Variants in KANSL1 observed in about 807,000 individuals in gnomAD.
KANSL1 encodes MLL1/MLL complex subunit KANSL1.
KANSL1 carries 22 observed loss-of-function variants against 103.6 expected under a neutral mutation model. The observed-to-expected ratio is 0.21, with a 90% CI of 0.15 to 0.30. The LOEUF (loss-of-function observed/expected upper bound fraction) is 0.30. Ranked by LOEUF, KANSL1 falls within the 10% of genes least tolerant of loss-of-function variation. The pLI is 1.00. For missense variants in KANSL1, 1,337 were observed against 1,399.8 expected (o/e 0.96, Z 0.72); for synonymous variants, 600 against 527.6 (o/e 1.14, Z -1.88).
chr17:46,190,140 C>T (rs1295948460), intron 1 of KANSL1, among the ~76,000 whole-genome samples: 4 of 152,184 alleles, frequency 2.6e-5, no homozygotes, highest in Non-Finnish European at 5.9e-5. Context: ...CTACAGAAGA[C>T]GCAGAGACAC....
At chr17:46,038,789 G>T in intron 9 of KANSL1, 103 bp from the exon 10 acceptor site, 1 of 1,435,176 alleles carries the variant, frequency 7.0e-7, no homozygotes, top group South Asian at 1.2e-5. Context: ...AGGCAAAAAT[G>T]TTTTCTATGC....
At chr17:46,077,322 G>A (rs1370067257) in intron 4 of KANSL1, among the ~76,000 whole-genome samples, 1 of 152,062 alleles carries the variant, frequency 6.6e-6, no homozygotes, top group Admixed American at 6.5e-5. Context: ...CAGAGTGCTG[G>A]GATTACAGGC....
chr17:46,062,046 T>C (rs1050793153), intron 6 of KANSL1, among the ~76,000 whole-genome samples: 44 of 143,664 alleles, frequency 3.1e-4, no homozygotes, highest in Non-Finnish European at 6.1e-4. Flanking sequence ...GAGCTGAGAT[T>C]GTGCCATTGC....
At chr17:46,187,476 T>C (rs2047087033) in intron 1 of KANSL1, among the ~76,000 whole-genome samples, 2 of 152,294 alleles carry the variant, frequency 1.3e-5, no homozygotes, top group Middle Eastern at 3.4e-3. Context: ...AACATTTAGA[T>C]AAAACTGCAC....
At chr17:46,109,414 G>C (rs9897371) in intron 2 of KANSL1, among the ~76,000 whole-genome samples, 1 of 152,092 alleles carries the variant, frequency 6.6e-6, no homozygotes, top group Non-Finnish European at 1.5e-5. Flanking sequence ...TATATGATAC[G>C]TGTAAGATAG....
intron 7 of KANSL1, chr17:46,049,785 A>C (rs1034615278): frequency 6.6e-6 from 1 of 151,952 alleles, no homozygotes; most frequent in African/African-American, 2.4e-5. Context: ...AAGACAGTAC[A>C]AGCTAACAAC....
At chr17:46,108,727 A>G (rs186779114) in intron 2 of KANSL1, among the ~76,000 whole-genome samples, 1 of 152,316 alleles carries the variant, frequency 6.6e-6, no homozygotes, top group East Asian at 1.9e-4. Flanking sequence ...TTTCCTTACA[A>G]AAGATTAAAA....
At chr17:46,124,029 G>T (rs1053012049) in intron 2 of KANSL1, among the ~76,000 whole-genome samples, 1 of 152,214 alleles carries the variant, frequency 6.6e-6, no homozygotes, top group Admixed American at 6.5e-5. Context: ...CTCTTGTTAG[G>T]AGCTAATGCA....
chr17:46,101,378 C>T (rs1049691257), intron 2 of KANSL1, among the ~76,000 whole-genome samples: 2 of 152,216 alleles, frequency 1.3e-5, no homozygotes, highest in African/African-American at 4.8e-5. Flanking sequence ...ATAAGAACAA[C>T]ATCTGCTTCA....
At chr17:46,157,198 C>A (rs1159486767) in intron 2 of KANSL1, among the ~76,000 whole-genome samples, 1 of 152,254 alleles carries the variant, frequency 6.6e-6, no homozygotes, top group Non-Finnish European at 1.5e-5. Flanking sequence ...AGTTTCCATT[C>A]AGATTACCAA....
intron 4 of KANSL1, among the ~76,000 whole-genome samples, chr17:46,077,266 T>G (rs2078811958): frequency 6.6e-6 from 1 of 152,220 alleles, no homozygotes; most frequent in Non-Finnish European, 1.5e-5. Context: ...TTGCTGGAGC[T>G]GGTCTTGAAC....
intron 1 of KANSL1, among the ~76,000 whole-genome samples, chr17:46,180,215 G>T (rs1168523631): frequency 6.6e-6 from 1 of 152,098 alleles, no homozygotes; most frequent in Non-Finnish European, 1.5e-5. Flanking sequence ...CAGTAGAGGG[G>T]CCAGGCACAG....
intron 2 of KANSL1, among the ~76,000 whole-genome samples, chr17:46,119,708 T>C (rs2043199749): frequency 1.3e-5 from 2 of 152,250 alleles, no homozygotes; most frequent in Non-Finnish European, 2.9e-5. Flanking sequence ...TTGCCTACTG[T>C]CAATGTTTTC....
intron 3 of KANSL1, among the ~76,000 whole-genome samples, chr17:46,089,620 G>A (rs983811873): frequency 8.2e-6 from 1 of 122,094 alleles, no homozygotes; most frequent in African/African-American, 2.9e-5. Context: ...TCTTGGTGCA[G>A]CATGGAAAAT....
upstream of KANSL1, among the ~76,000 whole-genome samples, chr17:46,224,272 G>C (rs1188516874): frequency 6.6e-6 from 1 of 152,194 alleles, no homozygotes; most frequent in Admixed American, 6.5e-5. Context: ...TGAAGTACTA[G>C]AAACAAATAA....
At chr17:46,174,357 G>C (rs1028550575) in intron 1 of KANSL1, among the ~76,000 whole-genome samples, 7 of 152,078 alleles carry the variant, frequency 4.6e-5, no homozygotes, top group African/African-American at 1.4e-4. Context: ...GCTAATTTTT[G>C]TATTTTTAGT....
chr17:46,063,412 G>A (rs1206924620), intron 6 of KANSL1, among the ~76,000 whole-genome samples: 1 of 152,214 alleles, frequency 6.6e-6, no homozygotes, highest in African/African-American at 2.4e-5. Flanking sequence ...AAGACAAGAT[G>A]CTTGCTCATC....
At chr17:46,218,555 G>A (rs2048411917) in intron 1 of KANSL1, among the ~76,000 whole-genome samples, 2 of 152,158 alleles carry the variant, frequency 1.3e-5, no homozygotes, top group Admixed American at 1.3e-4. Flanking sequence ...GGCCAAGGCG[G>A]GTGGATCACT....
At chr17:46,062,761 G>A (rs2146616340) in intron 6 of KANSL1, among the ~76,000 whole-genome samples, 1 of 151,686 alleles carries the variant, frequency 6.6e-6, no homozygotes, top group Non-Finnish European at 1.5e-5. Flanking sequence ...TAAAAACACA[G>A]TAATTGGGCT....
Sources: allele counts gnomAD v4.1 joint callset (sites outside exome capture counted in the v4.1 genomes callset), GRCh38; gene constraint gnomAD v4.1.1; transcripts MANE v1.5; gene names NCBI Gene and HGNC (gene_info 2026-07-23, HGNC 2026-07-21).